Variants in RABL3 observed in about 807,000 individuals in gnomAD.
RABL3 encodes the protein RAB, member of RAS oncogene family like 3, also known as rab-like protein 3.
In RABL3, 31 loss-of-function variants were observed where a neutral mutation model predicts 31.8. That is an observed-to-expected ratio of 0.97 (90% confidence interval 0.73 to 1.31). The LOEUF is 1.31. Among genes scored for constraint, RABL3 ranks in the 40% most tolerant of loss-of-function variants. RABL3 has a pLI of 0.00. For missense variants in RABL3, 263 were observed against 279.6 expected (o/e 0.94, Z 0.42); for synonymous variants, 97 against 99.9 (o/e 0.97, Z 0.18).
At chr3:120,728,484 G>A (rs915442646) in intron 2 of RABL3, among the ~76,000 whole-genome samples, 16 of 152,070 alleles carry the variant, frequency 1.1e-4, no homozygotes, top group Non-Finnish European at 2.2e-4. Context: ...AATCCAAAGG[G>A]AAAATTTGTC....
At chr3:120,725,219 G>GA (rs1708802980) in intron 2 of RABL3, among the ~76,000 whole-genome samples, 1 of 152,204 alleles carries the variant, frequency 6.6e-6, no homozygotes, top group African/African-American at 2.4e-5. Flanking sequence ...CTGGCCATCA[G>GA]AGAAATGCAA....
intron 1 of RABL3, among the ~76,000 whole-genome samples, chr3:120,732,167 T>C (rs1421657823): frequency 1.3e-5 from 2 of 152,234 alleles, no homozygotes; most frequent in African/African-American, 4.8e-5. Context: ...ACAGTATACT[T>C]AAAAACAATA....
At chr3:120,739,918 A>G (rs889257467) in intron 1 of RABL3, among the ~76,000 whole-genome samples, 6 of 152,200 alleles carry the variant, frequency 3.9e-5, no homozygotes, top group African/African-American at 1.2e-4. Flanking sequence ...GGTGATAAGT[A>G]TTAGCTAAGA....
intron 4 of RABL3, among the ~76,000 whole-genome samples, chr3:120,699,396 G>A (rs771066182): frequency 7.9e-5 from 12 of 152,172 alleles, no homozygotes; most frequent in African/African-American, 2.9e-4. Context: ...AAAGAACAGA[G>A]TGGTGATGTA....
At chr3:120,724,602 C>G (rs946189772) in intron 2 of RABL3, among the ~76,000 whole-genome samples, 11 of 152,096 alleles carry the variant, frequency 7.2e-5, no homozygotes, top group East Asian at 3.9e-4. Context: ...CCAAAACAGA[C>G]ATATAGGCCA....
At chr3:120,719,067 C>CA (rs1559818480) in intron 2 of RABL3, among the ~76,000 whole-genome samples, 1 of 151,846 alleles carries the variant, frequency 6.6e-6, no homozygotes, top group Non-Finnish European at 1.5e-5. Context: ...AAAAACAGAC[C>CA]AAAAAAACCC....
chr3:120,690,898 A>C (rs1416880018), intron 6 of RABL3, among the ~76,000 whole-genome samples: 2 of 152,180 alleles, frequency 1.3e-5, no homozygotes, highest in Non-Finnish European at 2.9e-5. Context: ...TTTCTTAAAG[A>C]GGGGACTGTT....
intron 5 of RABL3, among the ~76,000 whole-genome samples, chr3:120,696,710 TTAAG>T (rs1422806542): frequency 6.6e-6 from 1 of 151,568 alleles, no homozygotes; most frequent in African/African-American, 2.4e-5. Flanking sequence ...CTGAAACAAA[TTAAG>T]TGTTTTCAAT....
chr3:120,717,599 G>C (rs1708686481), intron 2 of RABL3, among the ~76,000 whole-genome samples: 1 of 152,160 alleles, frequency 6.6e-6, no homozygotes, highest in African/African-American at 2.4e-5. Context: ...TTCCCGAGTA[G>C]CTAGGATTAC....
chr3:120,718,903 C>A lies in RABL3; in HGVS notation c.139-8994G>T, dbSNP rs574158078. ...ATATTAAAATAACAAAATGTTAAAT[C>A]CTTTAGGAAGTTCAAACAATCATAA... On this transcript the variant is annotated intron_variant, in intron 2 of 7. Transcript: ENST00000273375. Among the ~76,000 whole-genome samples the A allele has an allele frequency of 2.6e-5, 4 of 152,262 alleles. No individual in the cohort carries two copies. The East Asian group carries it at 7.7e-4, about 29-fold the overall frequency.
rs542278879 is a variant in RABL3, at chr3:120,719,426, G to A, written c.139-9517C>T. 7.2e-5 allele frequency among the ~76,000 whole-genome samples: 11 copies of A among 152,348 alleles called. No individual in the cohort carries two copies. In the South Asian group the frequency reaches 1.9e-3, roughly 26 times the overall value. Reference sequence around the variant, plus strand: ...CATCGCCTCACCTGGGAAGCGCAAGGGGTCAGGGAATTCCCCTTCCTAGCC... The same window carrying A: ...CATCGCCTCACCTGGGAAGCGCAAGAGGTCAGGGAATTCCCCTTCCTAGCC... On this transcript the variant is annotated intron_variant, in intron 2 of 7. Coordinates refer to ENST00000273375, the MANE Select transcript of RABL3 (RefSeq NM_173825.5).
At chr3:120,718,953 T>C (rs955447797) in intron 2 of RABL3, among the ~76,000 whole-genome samples, 1 of 152,118 alleles carries the variant, frequency 6.6e-6, no homozygotes, top group South Asian at 2.1e-4. Context: ...AGTAATATAA[T>C]CTCAAAGTAT....
At position 120,731,437 on chromosome 3, in the gene RABL3, CT is replaced by C. The variant is rs1359479158; in HGVS notation, c.47-651del. Among the ~76,000 whole-genome samples, 5 of 152,332 alleles carry C rather than the reference CT, an allele frequency of 3.3e-5. No individual in the cohort carries two copies. In the South Asian group the frequency reaches 8.3e-4, roughly 25 times the overall value. On this transcript the variant is annotated intron_variant, in intron 1 of 7. Transcript: ENST00000273375. ...CTTTTGGAAAAAAGGTCTACTACCT[CT>C]TCTACATCATGGCCCTTTAAGTCAC...
Position 120,712,759 on chromosome 3 carries a change from A to G in RABL3, c.139-2850T>C, listed in dbSNP as rs147485141. 7.4e-3 allele frequency among the ~76,000 whole-genome samples: 1,133 copies of G among 152,310 alleles called. 15 individuals carry two copies. Among genetic ancestry groups the G allele is most frequent in the African/African-American group, 0.026 (1,076 of 41,560 alleles). On this transcript the variant is annotated intron_variant, in intron 2 of 7. Coordinates refer to ENST00000273375, the MANE Select transcript of RABL3 (RefSeq NM_173825.5). ...TATCTAGCATATATTAGATGCTTAG[A>G]CATGTTTATTAAATACATGAATAAA...
chr3:120,705,085 T>C (rs1708533741), intron 4 of RABL3, among the ~76,000 whole-genome samples: 1 of 152,130 alleles, frequency 6.6e-6, no homozygotes, highest in South Asian at 2.1e-4. Context: ...ATTAAATATT[T>C]TGGTATAAAT....
At chr3:120,703,661 A>G (rs1020189189) in intron 4 of RABL3, among the ~76,000 whole-genome samples, 4 of 152,154 alleles carry the variant, frequency 2.6e-5, no homozygotes, top group Non-Finnish European at 5.9e-5. Flanking sequence ...CAATTGATAA[A>G]CCTCTACAAG....
chr3:120,702,836 C>A (rs953981709), intron 4 of RABL3, among the ~76,000 whole-genome samples: 2 of 152,156 alleles, frequency 1.3e-5, no homozygotes, highest in African/African-American at 4.8e-5. Context: ...AGATTACAGG[C>A]GTGAGCCACC....
At chr3:120,697,278 T>C (rs576237488) in intron 5 of RABL3, among the ~76,000 whole-genome samples, 3 of 152,236 alleles carry the variant, frequency 2.0e-5, no homozygotes, top group Non-Finnish European at 2.9e-5. Flanking sequence ...AATACCCTAA[T>C]TGACCTGGGT....
chr3:120,742,403 G>A lies in RABL3; in HGVS notation c.46+59C>T, dbSNP rs1709057102. Reference sequence around the variant, plus strand: ...GAAGTTGAGGGAAGGAAGCTAAGGGGAGGGTTACTGGGTAACTCAAAAGTG... The same window carrying A: ...GAAGTTGAGGGAAGGAAGCTAAGGGAAGGGTTACTGGGTAACTCAAAAGTG... On this transcript the variant is annotated intron_variant, in intron 1 of 7. Coordinates refer to ENST00000273375, the MANE Select transcript of RABL3 (RefSeq NM_173825.5). 5.9e-6 allele frequency: 9 copies of A among 1,516,602 alleles called. No homozygotes were observed. In the Middle Eastern group the frequency reaches 1.2e-3, roughly 200 times the overall value. The allele number at this position is 1,516,602 out of a possible 1,614,324, so 93.9% of individuals were successfully genotyped here.
Sources: gnomAD v4.1 joint callset for allele counts (sites outside exome capture counted in the v4.1 genomes callset) on GRCh38, gnomAD v4.1.1 for gene constraint, MANE v1.5 for transcripts, NCBI Gene and HGNC (gene_info 2026-07-23, HGNC 2026-07-21) for gene names.